The following TBC1D31 variants were observed in gnomAD, a reference collection of about 807,000 sequenced individuals.
The protein encoded by TBC1D31 is TBC1 domain family member 31.
TBC1D31 carries 99 observed loss-of-function variants against 132.9 expected under a neutral mutation model. That is an observed-to-expected ratio of 0.74 (90% CI 0.63 to 0.88). The LOEUF (loss-of-function observed/expected upper bound fraction) is 0.88, where lower values mean the gene tolerates loss of function less well. Among genes scored for constraint, TBC1D31 ranks in the 40% least tolerant of loss-of-function variants. The probability of loss-of-function intolerance (pLI) is 0.00; values close to 1 mark genes in which losing one functional copy is unlikely to be tolerated. For synonymous variants in TBC1D31, 385 were observed against 419.4 expected (o/e 0.92, Z 1.00); for missense variants, 1,134 against 1,256.6 (o/e 0.90, Z 1.48).
chr8:123,087,619 C>A (rs934041546), intron 4 of TBC1D31, among the ~76,000 whole-genome samples: 4 of 152,038 alleles, frequency 2.6e-5, no homozygotes, highest in Non-Finnish European at 4.4e-5. Context: ...GAGTTGAACC[C>A]ACATGGAAAC....
the TBC1D31 span, among the ~76,000 whole-genome samples, chr8:123,157,439 G>A: frequency 2.0e-5 from 3 of 152,088 alleles, no homozygotes; most frequent in Non-Finnish European, 4.4e-5. Context: ...TCCTGCCCCT[G>A]TCCCGTTTGT....
At chr8:123,146,090 G>A (rs991769219) in intron 20 of TBC1D31, among the ~76,000 whole-genome samples, 1 of 151,964 alleles carries the variant, frequency 6.6e-6, no homozygotes, top group Non-Finnish European at 1.5e-5. Context: ...TGCTGGTCTC[G>A]AACTCCTCAC....
At chr8:123,086,743 G>A (rs1007608715) in intron 4 of TBC1D31, among the ~76,000 whole-genome samples, 11 of 148,336 alleles carry the variant, frequency 7.4e-5, no homozygotes, top group African/African-American at 1.2e-4. Flanking sequence ...CCTTTGCAAC[G>A]GAATCTGGCT....
chr8:123,105,341 T>C lies in TBC1D31; in HGVS notation c.1086T>C (p.Ser362=). The change falls in exon 8 of 22, where the codon AGT becomes AGC. Residue 362 remains serine (S), a synonymous_variant. Transcript: ENST00000287380. The stretch of plus-strand genomic sequence containing the variant: ...AAGATTTGCCCAAGAATAAACTGAG[T>C]TCCAGTGATCTTAAGATGAAAGTAA... ...VIEDLPKNKL[S]SSDLKMKVTS... is the part of the protein sequence containing the mutation. 1 of 1,607,002 alleles carries C rather than the reference T, an allele frequency of 6.2e-7. No homozygotes were observed.
chr8:123,112,408 A>G (rs775302573), intron 10 of TBC1D31, among the ~76,000 whole-genome samples: 11 of 152,124 alleles, frequency 7.2e-5, no homozygotes, highest in Non-Finnish European at 1.5e-4. Flanking sequence ...TCTCCTCCCA[A>G]TAAGTCATCC....
chr8:123,091,175 AAT>A (rs1816287527), intron 4 of TBC1D31, among the ~76,000 whole-genome samples: 1 of 152,108 alleles, frequency 6.6e-6, no homozygotes, highest in Non-Finnish European at 1.5e-5. Flanking sequence ...TCTAAATAAT[AAT>A]GACATGCTTC....
At chr8:123,103,240 CAT>C (rs1563700818) in intron 7 of TBC1D31, 1 of 152,120 alleles carries the variant, frequency 6.6e-6, no homozygotes, top group East Asian at 1.9e-4. Context: ...TGTCTCTAAA[CAT>C]ATGGGATTAT....
intron 1 of TBC1D31, 37 bp downstream of exon 1, chr8:123,072,883 G>C: frequency 1.9e-6 from 3 of 1,544,586 alleles, no homozygotes; most frequent in Non-Finnish European, 2.6e-6. Context: ...GCTGTGGAGG[G>C]GATGGAGACC....
chr8:123,157,755 C>T, the TBC1D31 span, among the ~76,000 whole-genome samples: 1 of 151,684 alleles, frequency 6.6e-6, no homozygotes, highest in Non-Finnish European at 1.5e-5. Flanking sequence ...GCTGTTACGG[C>T]CCCCACTGCA....
chr8:123,098,819 T>C (rs537317651), intron 6 of TBC1D31, among the ~76,000 whole-genome samples: 94 of 152,318 alleles, frequency 6.2e-4, no homozygotes, highest in African/African-American at 2.2e-3. Flanking sequence ...GGCATAAAGG[T>C]TATGTGCATC....
chr8:123,130,623 C>CTTTTTT (rs774112527), intron 16 of TBC1D31, among the ~76,000 whole-genome samples: 2 of 136,116 alleles, frequency 1.5e-5, no homozygotes, highest in African/African-American at 2.7e-5. Context: ...CTTTTCTTTT[C>CTTTTTT]TTTTTTTTTT....
In TBC1D31 at chr8:123,077,196, G is replaced by A. The variant is rs750559202; in HGVS notation, c.163G>A (p.Asp55Asn). 1.4e-5 allele frequency: 22 copies of A among 1,612,964 alleles called. No homozygotes were observed. Among genetic ancestry groups the A allele is most frequent in the Middle Eastern group, 1.6e-4 (1 of 6,082 alleles). Reference protein sequence around the residue: ...FLNVAFDGTGDCLIAGDHQGN... With the variant: ...FLNVAFDGTGNCLIAGDHQGN... ...GAATGTGGCTTTTGATGGCACAGGC[G>A]ACTGCTTAATTGCTGGGGACCACCA... Residue 55 changes from aspartate (D) to asparagine (N), a missense_variant, in exon 2 of 22, where the codon GAC (aspartate) becomes AAC (asparagine). Asp to Asn is a conservative substitution (Grantham distance 23). Transcript: ENST00000287380.
chr8:123,114,343 A>G (rs915085652), intron 10 of TBC1D31, among the ~76,000 whole-genome samples: 1 of 139,344 alleles, frequency 7.2e-6, no homozygotes, highest in African/African-American at 2.7e-5. Flanking sequence ...TTGTTGAGAC[A>G]GAGTTTCCAC....
At chr8:123,156,462 A>AC (rs949522116), downstream of TBC1D31, among the ~76,000 whole-genome samples, 17 of 136,854 alleles carry the variant, frequency 1.2e-4, no homozygotes, top group Admixed American at 8.0e-4. Flanking sequence ...AAAAAAAAAT[A>AC]CCCCAGGGAA....
chr8:123,089,712 A>C (rs1445341552), intron 4 of TBC1D31, among the ~76,000 whole-genome samples: 1 of 152,254 alleles, frequency 6.6e-6, no homozygotes, highest in African/African-American at 2.4e-5. Context: ...TGTCTCAAAA[A>C]AACAAAACTG....
intron 6 of TBC1D31, 59 bp downstream of exon 6, chr8:123,097,500 A>G (rs770188239): frequency 7.1e-6 from 11 of 1,543,502 alleles, no homozygotes; most frequent in Non-Finnish European, 8.9e-6. Flanking sequence ...CCGTCTCTGA[A>G]CTATATTAGC....
At chr8:123,089,691 G>A (rs1816143382) in intron 4 of TBC1D31, among the ~76,000 whole-genome samples, 1 of 152,226 alleles carries the variant, frequency 6.6e-6, no homozygotes, top group Admixed American at 6.5e-5. Flanking sequence ...CTGGGCGACA[G>A]AGTGAGCTCC....
At chr8:123,128,845 C>T (rs1820350801) in intron 14 of TBC1D31, among the ~76,000 whole-genome samples, 1 of 151,194 alleles carries the variant, frequency 6.6e-6, no homozygotes, top group Admixed American at 6.6e-5. Context: ...CATTGCACTC[C>T]AGCCTGGGCG....
the TBC1D31 span, among the ~76,000 whole-genome samples, chr8:123,161,142 C>T: frequency 6.6e-6 from 1 of 152,188 alleles, no homozygotes; most frequent in Admixed American, 6.5e-5. Context: ...GGGCCTCAGC[C>T]TGCGCCTGCG....
Sources: gnomAD v4.1 joint callset for allele counts (sites outside exome capture counted in the v4.1 genomes callset) on GRCh38, gnomAD v4.1.1 for gene constraint, MANE v1.5 for transcripts, NCBI Gene and HGNC (gene_info 2026-07-23, HGNC 2026-07-21) for gene names.